CDHR5: variants seen among roughly 807,000 people sequenced by gnomAD.
CDHR5 encodes cadherin-related family member 5.
Under a neutral mutation model 69.5 loss-of-function variants are expected in CDHR5, and 82 were observed. The ratio of observed to expected loss-of-function variants is 1.18; its 90% CI spans 0.99 to 1.42. The LOEUF (loss-of-function observed/expected upper bound fraction) is 1.42. CDHR5 is among the 40% of genes most tolerant of loss of function. CDHR5 has a pLI of 0.00. For missense variants in CDHR5, 1,293 were observed against 1,168.9 expected, an observed-to-expected ratio of 1.11 and a Z score of -1.55; for synonymous variants, 601 against 510.2, an observed-to-expected ratio of 1.18 and a Z score of -2.40.
chr11:617,916 GC>G, intron 14 of CDHR5, 37 bp downstream of exon 14: 1 of 1,595,206 alleles, frequency 6.3e-7, no homozygotes, highest in East Asian at 2.3e-5. Context: ...CCCACTTCCT[GC>G]CTGGTCGCCT....
At position 617,522 on chromosome 11, in the gene CDHR5, C is replaced by A; in HGVS notation, c.2367G>T (p.Lys789Asn). Reference protein sequence around the residue: ...TKERRPEGGYKAVWFGEDIGT... With the variant: ...TKERRPEGGYNAVWFGEDIGT... ...CGATGTCCTCGCCAAACCAGACAGC[C>A]TTGTACCCGCCCTCCGGCCGCCGCT... Residue 789 changes from lysine to asparagine, a missense_variant, in exon 15 of 15, where the codon AAG becomes AAT. By Grantham distance (94) the Lys-to-Asn change is moderately conservative. Coordinates refer to ENST00000397542, the MANE Select transcript of CDHR5 (RefSeq NM_021924.5). 1 of 1,612,642 alleles carries A rather than the reference C, an allele frequency of 6.2e-7. No individual in the cohort carries two copies. Among genetic ancestry groups the A allele is most frequent in the Non-Finnish European group, 8.5e-7 (1 of 1,179,816 alleles).
At position 619,000 on chromosome 11, in the gene CDHR5, C is replaced by T. The variant is rs947482039; in HGVS notation, c.1559G>A (p.Gly520Glu). The change falls in exon 13 of 15, where the codon GGG (glycine) becomes GAG (glutamate). Residue 520 changes from glycine to glutamate, a missense_variant. Transcript: ENST00000397542. ...GGTGCTGTTTTCTGCACCCGGGGGC[C>T]CCCCGGGTGTGGACGAGGTTGGTGG... ...LRPPTSSTPG[G>E]PPGAENSTSH... 1.2e-6 allele frequency: 2 copies of T among 1,613,448 alleles called. No homozygotes were observed. The highest frequency in any genetic ancestry group is 1.7e-6 in the Non-Finnish European group (2 of 1,179,696).
rs762462167 is a variant in CDHR5, at chr11:620,021, C to T, written c.978+46G>A. The stretch of plus-strand genomic sequence containing the variant: ...AGCCCTGACCCCCCGCCCTACCTTC[C>T]ACCCTTCCCCCTCTGCCCTGCCCCC... On this transcript the variant is annotated intron_variant, in intron 9 of 14. Transcript: ENST00000397542. The T allele has an allele frequency of 8.1e-6, 11 of 1,356,156 alleles. No individual in the cohort carries two copies. In the South Asian group the frequency reaches 1.4e-4, roughly 18 times the overall value. The allele number at this position is 1,356,156 out of a possible 1,614,324, so 84.0% of individuals were successfully genotyped here.
rs2133207212 is a variant in CDHR5 at position 621,732 on chromosome 11, C to T, written c.406-69G>A. On this transcript the variant is annotated intron_variant, in intron 4 of 14. Transcript: ENST00000397542. This position sits in a 1 kb window ranked among gnomAD's most constrained non-coding sequence, Gnocchi z 4.4. Reference sequence around the variant, plus strand: ...TGTGGACCCCCACTGTGGTTGAGCCCCCGGCCACCACTCACCTCCTGCCCT... The same window carrying T: ...TGTGGACCCCCACTGTGGTTGAGCCTCCGGCCACCACTCACCTCCTGCCCT... 1.3e-6 allele frequency: 2 copies of T among 1,554,474 alleles called. No homozygotes were observed. The highest frequency in any genetic ancestry group is 1.7e-5 in the Admixed American group (1 of 59,764).
In CDHR5 at chr11:620,143, A is replaced by G. The variant is rs1158120138; in HGVS notation, c.902T>C (p.Ile301Thr). The change falls in exon 9 of 15, where the codon ATC becomes ACC. Residue 301 changes from isoleucine (I) to threonine (T), a missense_variant. Coordinates refer to ENST00000397542, the MANE Select transcript of CDHR5 (RefSeq NM_021924.5). ...IFRGNVNGTF[I>T]IHPDSGNLTV... is the part of the protein sequence containing the mutation. ...GAGGTTGCCCGAGTCTGGGTGGATGATGAATGTACCATTCACGTTTCCTGG... is the reference window on the plus strand; with the variant it reads ...GAGGTTGCCCGAGTCTGGGTGGATGGTGAATGTACCATTCACGTTTCCTGG... 6.2e-7 allele frequency: 1 copy of G among 1,613,452 alleles called. No individual in the cohort carries two copies. Among genetic ancestry groups the G allele is most frequent in the Admixed American group, 1.7e-5 (1 of 59,994 alleles).
chr11:621,330 G>T lies in CDHR5; in HGVS notation c.618+15C>A. On this transcript the variant is annotated intron_variant, in intron 6 of 14. Coordinates refer to ENST00000397542, the MANE Select transcript of CDHR5 (RefSeq NM_021924.5). The surrounding 1 kb of genome is among the most constrained non-coding windows in gnomAD (Gnocchi z 4.4). Reference sequence around the variant, plus strand: ...CTCAAGTGTGTGGGACTCGGGGCTGGGGTGACCTGCTCACCCGCACCAGCA... The same window carrying T: ...CTCAAGTGTGTGGGACTCGGGGCTGTGGTGACCTGCTCACCCGCACCAGCA... The T allele has an allele frequency of 6.2e-7, 1 of 1,612,608 alleles. No homozygotes were observed. Among genetic ancestry groups the T allele is most frequent in the South Asian group, 1.1e-5 (1 of 91,052 alleles).
In CDHR5 at chr11:621,354, C is replaced by G; in HGVS notation, c.609G>C (p.Leu203=). 1 of 1,613,210 alleles carries G rather than the reference C, an allele frequency of 6.2e-7. No individual in the cohort carries two copies. The highest frequency in any genetic ancestry group is 8.5e-7 in the Non-Finnish European group (1 of 1,179,904). Residue 203 remains leucine, a synonymous_variant, in exon 6 of 15, where the codon CTG becomes CTC. Coordinates refer to ENST00000397542, the MANE Select transcript of CDHR5 (RefSeq NM_021924.5). This position sits in a 1 kb window ranked among gnomAD's most constrained non-coding sequence, Gnocchi z 4.4. The part of the protein sequence containing the change: ...FYERPNMTFW[L]LVRDTPGENV... The stretch of plus-strand genomic sequence containing the variant: ...GGGGTGACCTGCTCACCCGCACCAG[C>G]AGCCAGAAGGTCATGTTCGGCCGCT...
At position 617,143 on chromosome 11, in the gene CDHR5, G is replaced by T; in HGVS notation, c.*208C>A. On this transcript the variant is annotated 3_prime_UTR_variant, in exon 15 of 15. Coordinates refer to ENST00000397542, the MANE Select transcript of CDHR5 (RefSeq NM_021924.5). ...TGCAGCCTTGGGGTGGGGACAGCGTGGCCAGACCCACCGCCTCATCTGCAC... is the reference window on the plus strand; with the variant it reads ...TGCAGCCTTGGGGTGGGGACAGCGTTGCCAGACCCACCGCCTCATCTGCAC... The T allele has an allele frequency of 1.7e-6, 1 of 585,262 alleles. No individual in the cohort carries two copies. The highest frequency in any genetic ancestry group is 3.1e-6 in the Non-Finnish European group (1 of 326,314). 36.3% of individuals were successfully genotyped at this position (585,262 alleles called of 1,614,324 possible). A position where few individuals can be genotyped will look rare whatever the true frequency, so the allele number is the denominator to read the frequency against.
rs1186481093 is a variant in CDHR5 at position 624,010 on chromosome 11, T to C, written c.312+203A>G. Among the ~76,000 whole-genome samples, 6 of 152,032 alleles carry C rather than the reference T, an allele frequency of 3.9e-5. No individual in the cohort carries two copies. The highest frequency in any genetic ancestry group is 8.8e-5 in the Non-Finnish European group (6 of 67,952). ...GGAGTCTTGGGCACACTGGATGGGG[T>C]GTCTGCTGGACAAGGGGTCAGTGAC... On this transcript the variant is annotated intron_variant, in intron 3 of 14. Transcript: ENST00000397542. This position sits in a 1 kb window ranked among gnomAD's most constrained non-coding sequence, Gnocchi z 5.3.
intron 13 of CDHR5, 124 bp downstream of exon 13, chr11:618,475 A>T (rs1002928989): frequency 8.3e-7 from 1 of 1,203,572 alleles, no homozygotes; most frequent in Non-Finnish European, 1.2e-6. Context: ...GTCAGTCCCA[A>T]ACAGACTCCT....
rs140951760 is a variant in CDHR5, at chr11:619,768, C to T, written c.1092G>A (p.Ala364=). Reference sequence around the variant, plus strand: ...CCACAACGCCCGCTCCAGCGCCACGCGCCACGGTGCCACGATACAGTCTCT... The same window carrying T: ...CCACAACGCCCGCTCCAGCGCCACGTGCCACGGTGCCACGATACAGTCTCT... ...FPQRLYRGTV[A]RGAGAGVVVK... Residue 364 remains alanine (A), a synonymous_variant, in exon 10 of 15, where the codon GCG becomes GCA. Coordinates refer to ENST00000397542, the MANE Select transcript of CDHR5 (RefSeq NM_021924.5). The T allele has an allele frequency of 1.2e-4, 195 of 1,610,866 alleles. No individual in the cohort carries two copies. Among genetic ancestry groups the T allele is most frequent in the African/African-American group, 2.4e-4 (18 of 74,940 alleles).
chr11:621,624 G>A lies in CDHR5; in HGVS notation c.445C>T (p.Leu149=), dbSNP rs1254167824. ...VNSTVIPETQ[L]QAEDRDKDDI... ...TCCTTGTCGCGGTCCTCAGCCTGCAGTTGCGTCTCGGGGATGACGGTGGAG... is the reference window on the plus strand; with the variant it reads ...TCCTTGTCGCGGTCCTCAGCCTGCAATTGCGTCTCGGGGATGACGGTGGAG... The change falls in exon 5 of 15, where the codon CTG becomes TTG. Residue 149 remains leucine, a synonymous_variant. Coordinates refer to ENST00000397542, the MANE Select transcript of CDHR5 (RefSeq NM_021924.5). The surrounding 1 kb of genome is among the most constrained non-coding windows in gnomAD (Gnocchi z 4.4). 3.7e-6 allele frequency: 6 copies of A among 1,613,802 alleles called. No homozygotes were observed. In the East Asian group the frequency reaches 1.1e-4, roughly 30 times the overall value.
In CDHR5 at chr11:624,792, C is replaced by A; in HGVS notation, c.85+26G>T. ...AGCCCCTGGCTCCCCGCCGCCCGTG[C>A]CCCACCTACCCCTGCCCGCACATAC... is the stretch of plus-strand genomic sequence containing the variant. On this transcript the variant is annotated intron_variant, in intron 1 of 14. Transcript: ENST00000397542. The surrounding 1 kb of genome is among the most constrained non-coding windows in gnomAD (Gnocchi z 5.3). The A allele has an allele frequency of 6.2e-7, 1 of 1,605,700 alleles. No individual in the cohort carries two copies. The highest frequency in any genetic ancestry group is 8.5e-7 in the Non-Finnish European group (1 of 1,175,108).
Position 621,776 on chromosome 11 carries a change from C to T in CDHR5, c.405+36G>A, listed in dbSNP as rs1209776163. The T allele has an allele frequency of 1.3e-5, 21 of 1,586,242 alleles. No homozygotes were observed. Among genetic ancestry groups the T allele is most frequent in the Non-Finnish European group, 1.7e-5 (20 of 1,155,930 alleles). On this transcript the variant is annotated intron_variant, in intron 4 of 14. Transcript: ENST00000397542. The surrounding 1 kb of genome is among the most constrained non-coding windows in gnomAD (Gnocchi z 4.4). ...CTGCCCTCACCCTGGGCTCCCACAC[C>T]CCCGTGCCCAGTCCCCGCGGCTTCG...
Position 624,822 on chromosome 11 carries a change from G to A in CDHR5, c.81C>T (p.Ala27=), listed in dbSNP as rs143452909. 14 of 1,609,358 alleles carry A rather than the reference G, an allele frequency of 8.7e-6. No individual in the cohort carries two copies. The highest frequency in any genetic ancestry group is 1.7e-4 in the Middle Eastern group (1 of 6,042). ...CCTACCCCTGCCCGCACATACACTG[G>A]GCCTGGGCCATGGTCCCCGGGGGTC... ...LVRPPGTMAQ[A]QYCSVNKDIF... The change falls in exon 1 of 15, where the codon GCC becomes GCT. Residue 27 remains alanine, a synonymous_variant. Coordinates refer to ENST00000397542, the MANE Select transcript of CDHR5 (RefSeq NM_021924.5). The surrounding 1 kb of genome is among the most constrained non-coding windows in gnomAD (Gnocchi z 5.3).
rs1227577149 is a variant in CDHR5 at position 621,656 on chromosome 11, T to C, written c.413A>G (p.Lys138Arg). The C allele has an allele frequency of 6.2e-7, 1 of 1,612,322 alleles. No individual in the cohort carries two copies. Among genetic ancestry groups the C allele is most frequent in the Admixed American group, 1.7e-5 (1 of 59,982 alleles). Reference sequence around the variant, plus strand: ...CTCGGGGATGACGGTGGAGTTCACTTTCGTGTCCTGGGGAGGGAGAGGGGC... The same window carrying C: ...CTCGGGGATGACGGTGGAGTTCACTCTCGTGTCCTGGGGAGGGAGAGGGGC... ...TKEIRVEEDT[K>R]VNSTVIPETQ... Residue 138 changes from lysine to arginine, a missense_variant, in exon 5 of 15, where the codon AAA (lysine) becomes AGA (arginine). By Grantham distance (26) the Lys-to-Arg change is conservative. Coordinates refer to ENST00000397542, the MANE Select transcript of CDHR5 (RefSeq NM_021924.5). This position sits in a 1 kb window ranked among gnomAD's most constrained non-coding sequence, Gnocchi z 4.4.
Position 619,368 on chromosome 11 carries a change from G to A in CDHR5, c.1316C>T (p.Thr439Ile), listed in dbSNP as rs1179502613. 1.2e-6 allele frequency: 2 copies of A among 1,613,632 alleles called. No homozygotes were observed. Among genetic ancestry groups the A allele is most frequent in the East Asian group, 2.2e-5 (1 of 44,886 alleles). ...AATGACTGTGGTTGCGGTGCCAGAG[G>A]TCACCGTGTTGTGGGCCTCAACCTG... ...YAEVEAHNTV[T>I]SGTATTVIEI... The change falls in exon 12 of 15, where the codon ACC (threonine) becomes ATC (isoleucine). Residue 439 changes from threonine (T) to isoleucine (I), a missense_variant. By Grantham distance (89) the Thr-to-Ile change is moderately conservative. Coordinates refer to ENST00000397542, the MANE Select transcript of CDHR5 (RefSeq NM_021924.5).
intron 3 of CDHR5, among the ~76,000 whole-genome samples, chr11:622,174 C>T (rs1327486386): frequency 6.6e-6 from 1 of 152,250 alleles, no homozygotes; most frequent in Non-Finnish European, 1.5e-5. Flanking sequence ...CGACGGCCAT[C>T]CGTCCACTCG....
intron 3 of CDHR5, among the ~76,000 whole-genome samples, chr11:623,414 G>A (rs1353981364): frequency 6.6e-6 from 1 of 152,204 alleles, no homozygotes; most frequent in African/African-American, 2.4e-5. Flanking sequence ...AGGTGAGGGG[G>A]CCTGTGCTGG....
Sources: allele counts gnomAD v4.1 joint callset (sites outside exome capture counted in the v4.1 genomes callset), GRCh38; gene constraint gnomAD v4.1.1; non-coding constraint Gnocchi (gnomAD v3.1); transcripts MANE v1.5; gene names NCBI Gene and HGNC (gene_info 2026-07-23, HGNC 2026-07-21).